The following ANKS1B variants were observed in gnomAD, a reference collection of about 807,000 sequenced individuals.
ANKS1B encodes the protein ankyrin repeat and sterile alpha motif domain containing 1B.
ANKS1B carries 36 observed loss-of-function variants against 148.3 expected under a neutral mutation model. That is an observed-to-expected ratio of 0.24 (90% CI 0.19 to 0.32). The LOEUF (loss-of-function observed/expected upper bound fraction) is 0.32. ANKS1B is among the 10% of genes least tolerant of loss of function. The probability of loss-of-function intolerance (pLI) is 1.00; values close to 1 mark genes in which losing one functional copy is unlikely to be tolerated. For synonymous variants in ANKS1B, 542 were observed against 560.8 expected (o/e 0.97, Z 0.47); for missense variants, 1,157 against 1,542.6 (o/e 0.75, Z 4.19).
chr12:99,038,193 A>G (rs1344160626), intron 17 of ANKS1B, among the ~76,000 whole-genome samples: 1 of 152,112 alleles, frequency 6.6e-6, no homozygotes, highest in African/African-American at 2.4e-5. Flanking sequence ...TTGCTTCTGG[A>G]GATTTCTAGA....
intron 25 of ANKS1B, among the ~76,000 whole-genome samples, chr12:98,759,397 ACT>A (rs1355702861): frequency 6.6e-6 from 1 of 151,908 alleles, no homozygotes; most frequent in Non-Finnish European, 1.5e-5. Flanking sequence ...GTCCATCAAG[ACT>A]CTCATTACAT....
intron 22 of ANKS1B, among the ~76,000 whole-genome samples, chr12:98,790,835 C>A (rs1285912912): frequency 6.6e-6 from 1 of 152,144 alleles, no homozygotes; most frequent in African/African-American, 2.4e-5. Flanking sequence ...GAGACTCAAT[C>A]AATCAACATG....
At chr12:99,872,271 T>C (rs192807648) in intron 1 of ANKS1B, among the ~76,000 whole-genome samples, 64 of 152,222 alleles carry the variant, frequency 4.2e-4, no homozygotes, top group Middle Eastern at 6.8e-3. Flanking sequence ...TGTATACCAG[T>C]TAGAAAGAAG....
intron 1 of ANKS1B, among the ~76,000 whole-genome samples, chr12:99,939,808 G>C (rs1474435765): frequency 6.6e-6 from 1 of 152,144 alleles, no homozygotes; most frequent in Non-Finnish European, 1.5e-5. Flanking sequence ...TAATCCTAGA[G>C]TAATGAAATT....
chr12:99,735,804 T>C (rs1375178418), intron 8 of ANKS1B, among the ~76,000 whole-genome samples: 6 of 64,878 alleles, frequency 9.2e-5, no homozygotes, highest in African/African-American at 3.1e-4. Context: ...CAAGGACATA[T>C]ACCAAAAAAA....
intron 12 of ANKS1B, among the ~76,000 whole-genome samples, chr12:99,289,908 A>G (rs2079689606): frequency 6.6e-6 from 1 of 151,966 alleles, no homozygotes; most frequent in Non-Finnish European, 1.5e-5. Context: ...AATTACTAGA[A>G]GAAAGCAATA....
intron 9 of ANKS1B, among the ~76,000 whole-genome samples, chr12:99,653,605 A>AT (rs574997376): frequency 4.8e-5 from 7 of 146,634 alleles, no homozygotes; most frequent in Non-Finnish European, 7.5e-5. Flanking sequence ...CATTCCAATT[A>AT]TTTTTTTTTG....
At chr12:99,098,312 G>C (rs1212035363) in intron 15 of ANKS1B, among the ~76,000 whole-genome samples, 1 of 152,194 alleles carries the variant, frequency 6.6e-6, no homozygotes, top group African/African-American at 2.4e-5. Flanking sequence ...TTGCCTCAGA[G>C]ATCTGATGGA....
intron 1 of ANKS1B, among the ~76,000 whole-genome samples, chr12:99,907,569 G>A (rs924157369): frequency 6.6e-6 from 1 of 152,088 alleles, no homozygotes; most frequent in Non-Finnish European, 1.5e-5. Context: ...TATTTTCTCT[G>A]TAAATAGAAC....
chr12:98,790,459 C>T (rs1391520618), intron 22 of ANKS1B, among the ~76,000 whole-genome samples: 1 of 152,136 alleles, frequency 6.6e-6, no homozygotes, highest in Non-Finnish European at 1.5e-5. Flanking sequence ...TAGTGAACAT[C>T]AACAGATTTT....
At chr12:99,053,674 A>G (rs1323302854) in intron 16 of ANKS1B, among the ~76,000 whole-genome samples, 2 of 152,238 alleles carry the variant, frequency 1.3e-5, no homozygotes, top group African/African-American at 4.8e-5. Flanking sequence ...CAGGAAGTGC[A>G]CTTTCAACAT....
chr12:99,870,205 G>A (rs952396432), intron 1 of ANKS1B, among the ~76,000 whole-genome samples: 1 of 152,126 alleles, frequency 6.6e-6, no homozygotes, highest in Admixed American at 6.5e-5. Context: ...TTGGTTTTCT[G>A]CTCCTGCATT....
chr12:98,916,406 A>G (rs2099794483), intron 17 of ANKS1B, among the ~76,000 whole-genome samples: 1 of 152,240 alleles, frequency 6.6e-6, no homozygotes, highest in African/African-American at 2.4e-5. Context: ...GAGGTGGTGG[A>G]GGCGGCAGTC....
At chr12:99,391,329 G>A (rs1029616455) in intron 12 of ANKS1B, among the ~76,000 whole-genome samples, 2 of 152,118 alleles carry the variant, frequency 1.3e-5, no homozygotes, top group Admixed American at 1.3e-4. Flanking sequence ...GTAGCTACAA[G>A]GGTTTGATTG....
chr12:99,541,793 T>C (rs2097128671), intron 9 of ANKS1B, among the ~76,000 whole-genome samples: 1 of 151,772 alleles, frequency 6.6e-6, no homozygotes, highest in African/African-American at 2.4e-5. Context: ...GAGCGGAGGT[T>C]GCAGTGAGCC....
chr12:99,953,840 C>G (rs17029876), intron 1 of ANKS1B, among the ~76,000 whole-genome samples: 5,967 of 152,138 alleles, frequency 0.039, 375 homozygotes, highest in African/African-American at 0.13. Context: ...TTCTGAAAAC[C>G]TCATGCCCAA....
At chr12:98,870,539 T>C (rs147127765) in intron 17 of ANKS1B, among the ~76,000 whole-genome samples, 1 of 152,302 alleles carries the variant, frequency 6.6e-6, no homozygotes, top group East Asian at 1.9e-4. Context: ...GGAGAAGATA[T>C]TAGGGCAGCA....
At chr12:98,780,085 C>T (rs1399670347) in intron 24 of ANKS1B, among the ~76,000 whole-genome samples, 1 of 152,206 alleles carries the variant, frequency 6.6e-6, no homozygotes, top group East Asian at 1.9e-4. Context: ...CAAAGAGTCA[C>T]TGCCCGTGAG....
intron 11 of ANKS1B, among the ~76,000 whole-genome samples, chr12:99,406,013 A>T (rs2094523700): frequency 1.4e-5 from 2 of 145,854 alleles, no homozygotes; most frequent in Admixed American, 1.4e-4. Flanking sequence ...ACGCACCCAG[A>T]TATATAAAGC....
Sources: allele counts gnomAD v4.1 joint callset (sites outside exome capture counted in the v4.1 genomes callset), GRCh38; gene constraint gnomAD v4.1.1; transcripts MANE v1.5; gene names NCBI Gene and HGNC (gene_info 2026-07-23, HGNC 2026-07-21).